KCNC4: variants seen among roughly 807,000 people sequenced by gnomAD.
KCNC4 encodes voltage-gated potassium channel KCNC4.
Under a neutral mutation model 42.8 loss-of-function variants are expected in KCNC4, and 23 were observed. The observed-to-expected ratio is 0.54, with a 90% CI of 0.39 to 0.76. The LOEUF (loss-of-function observed/expected upper bound fraction) is 0.76, where lower values mean the gene tolerates loss of function less well. KCNC4 is among the 30% of genes least tolerant of loss of function. The pLI, the probability that KCNC4 is intolerant of heterozygous loss-of-function variation, is 0.00. For missense variants in KCNC4, 751 were observed against 898.2 expected (o/e 0.84, Z 2.10); for synonymous variants, 422 against 393.5 (o/e 1.07, Z -0.86).
At chr1:110,219,390 T>C (rs1657973332) in intron 1 of KCNC4, among the ~76,000 whole-genome samples, 1 of 152,170 alleles carries the variant, frequency 6.6e-6, no homozygotes, top group Non-Finnish European at 1.5e-5. Flanking sequence ...GTCCCCATTT[T>C]ATATAGAGGA....
At position 110,223,996 on chromosome 1, in the gene KCNC4, G is replaced by A. The variant is rs762704495; in HGVS notation, c.1615+96G>A. 12 of 973,070 alleles carry A rather than the reference G, an allele frequency of 1.2e-5. No individual in the cohort carries two copies. Among genetic ancestry groups the A allele is most frequent in the South Asian group, 1.7e-5 (1 of 59,450 alleles). 60.3% of individuals were successfully genotyped at this position (973,070 alleles called of 1,614,324 possible). ...GACCTTGGGATTTGGCATGTGTTTT[G>A]TGTGGGGCTTCCCTAAGCATAAAGA... On this transcript the variant is annotated intron_variant, in intron 2 of 3. Coordinates refer to ENST00000438661, the MANE Select transcript of KCNC4 (RefSeq NM_001039574.3). This position sits in a 1 kb window ranked among gnomAD's most constrained non-coding sequence, Gnocchi z 7.5.
At chr1:110,257,676 G>A (rs889271893) in intron 1 of KCNC4, among the ~76,000 whole-genome samples, 43 of 142,712 alleles carry the variant, frequency 3.0e-4, no homozygotes, top group African/African-American at 1.1e-3. Context: ...AGCCGAGATC[G>A]CGCTACTGCA....
At position 110,211,923 on chromosome 1, in the gene KCNC4, C is replaced by T. The variant is rs1187800633; in HGVS notation, c.424C>T (p.Pro142Ser). The change falls in exon 1 of 4, where the codon CCC (proline) becomes TCC (serine). Residue 142 changes from proline to serine, a missense_variant. Physicochemically the swap from Pro to Ser is moderately conservative, Grantham distance 74. This residue lies in a region of KCNC4 where 183 missense variants were observed against 255.8 expected (regional missense o/e 0.72). Coordinates refer to ENST00000438661, the MANE Select transcript of KCNC4 (RefSeq NM_001039574.3). The surrounding 1 kb of genome is among the most constrained non-coding windows in gnomAD (Gnocchi z 6.5). ...GGGCATCGACGAGACCGACGTGGAA[C>T]CCTGCTGCTGGATGACCTACCGGCA... ...FWGIDETDVE[P>S]CCWMTYRQHR... The T allele has an allele frequency of 6.2e-7, 1 of 1,611,592 alleles. No homozygotes were observed. The highest frequency in any genetic ancestry group is 2.2e-5 in the East Asian group (1 of 44,848).
chr1:110,274,188 T>A (rs1227710780), intron 1 of KCNC4, among the ~76,000 whole-genome samples: 2 of 152,120 alleles, frequency 1.3e-5, no homozygotes, highest in African/African-American at 2.4e-5. Flanking sequence ...CATTTCTATA[T>A]GCCAATAAAA....
In KCNC4 at chr1:110,211,754, C is replaced by T. The variant is rs1657470839; in HGVS notation, c.255C>T (p.Gly85=). Residue 85 remains glycine (G), a synonymous_variant, in exon 1 of 4, where the codon GGC becomes GGT. Coordinates refer to ENST00000438661, the MANE Select transcript of KCNC4 (RefSeq NM_001039574.3). This position sits in a 1 kb window ranked among gnomAD's most constrained non-coding sequence, Gnocchi z 6.5. ...ATGGCGGCGGTGTGGGTAGCAGCGG[C>T]AGCAGCGGCGGCGGGGGCTGCGAGT... ...ETDGGGVGSS[G]SSGGGGCEFF... is the part of the protein sequence containing the mutation. 1.9e-6 allele frequency: 3 copies of T among 1,609,060 alleles called. No homozygotes were observed. Among genetic ancestry groups the T allele is most frequent in the Non-Finnish European group, 2.5e-6 (3 of 1,178,774 alleles).
intron 3 of KCNC4, among the ~76,000 whole-genome samples, chr1:110,230,557 C>T (rs1277442883): frequency 1.3e-5 from 2 of 152,230 alleles, no homozygotes; most frequent in Non-Finnish European, 2.9e-5. Context: ...GTTTCCACGG[C>T]ACCCACCGCC....
At chr1:110,244,307 T>C (rs908909869) in exon 4 of KCNC4, 31 of 152,180 alleles carry the variant, frequency 2.0e-4, no homozygotes, top group African/African-American at 7.2e-4. Flanking sequence ...GAGGTTGCAG[T>C]GCACTATGAT....
At chr1:110,231,216 A>G (rs947736806) in intron 3 of KCNC4, among the ~76,000 whole-genome samples, 1 of 152,188 alleles carries the variant, frequency 6.6e-6, no homozygotes, top group Non-Finnish European at 1.5e-5. Flanking sequence ...CAGGAGCCAG[A>G]GGGGAGGCCA....
At chr1:110,257,748 G>T (rs1184832064) in intron 1 of KCNC4, among the ~76,000 whole-genome samples, 1 of 115,918 alleles carries the variant, frequency 8.6e-6, no homozygotes, top group East Asian at 2.2e-4. Context: ...AAAAAGTCCA[G>T]AGGCAGGTGT....
chr1:110,273,104 A>C (rs932147284), intron 1 of KCNC4, among the ~76,000 whole-genome samples: 1 of 152,216 alleles, frequency 6.6e-6, no homozygotes, highest in African/African-American at 2.4e-5. Context: ...CTGTAACTGC[A>C]TATAATGTTT....
intron 1 of KCNC4, among the ~76,000 whole-genome samples, chr1:110,269,281 C>A (rs1447255475): frequency 6.6e-6 from 1 of 152,164 alleles, no homozygotes; most frequent in East Asian, 1.9e-4. Context: ...AGATACAGAA[C>A]AATTCCATCA....
chr1:110,251,993 G>A (rs919034751), downstream of KCNC4, among the ~76,000 whole-genome samples: 10 of 152,182 alleles, frequency 6.6e-5, no homozygotes, highest in East Asian at 1.9e-4. Context: ...GATGGTGAGC[G>A]CTCCAGCTGC....
At position 110,211,583 on chromosome 1, in the gene KCNC4, G is replaced by C; in HGVS notation, c.84G>C (p.Glu28Asp). The change falls in exon 1 of 4, where the codon GAG becomes GAC. Residue 28 changes from glutamate (E) to aspartate (D), a missense_variant. By Grantham distance (45) the Glu-to-Asp change is conservative (BLOSUM62 2). Coordinates refer to ENST00000438661, the MANE Select transcript of KCNC4 (RefSeq NM_001039574.3). This position sits in a 1 kb window ranked among gnomAD's most constrained non-coding sequence, Gnocchi z 6.5. ...CGTCCAAAACATGTCTGAAGGAGGA[G>C]ATGGCCAAGGGCGAGGCGTCGGAGA... ...KPPSKTCLKEEMAKGEASEKI... is the reference protein window; with the variant it reads ...KPPSKTCLKEDMAKGEASEKI... 6.2e-7 allele frequency: 1 copy of C among 1,614,134 alleles called. No individual in the cohort carries two copies. Among genetic ancestry groups the C allele is most frequent in the Non-Finnish European group, 8.5e-7 (1 of 1,179,990 alleles).
intron 3 of KCNC4, among the ~76,000 whole-genome samples, chr1:110,229,737 T>G (rs1231806901): frequency 6.6e-6 from 1 of 152,100 alleles, no homozygotes; most frequent in Non-Finnish European, 1.5e-5. Context: ...TGAGGGGAAG[T>G]GTGGGGACAG....
At chr1:110,280,684 TAAC>T (rs1215220298) in intron 1 of KCNC4, among the ~76,000 whole-genome samples, 2 of 152,186 alleles carry the variant, frequency 1.3e-5, no homozygotes, top group Admixed American at 6.5e-5. Context: ...GCAATTCAAA[TAAC>T]AACAAATTTT....
chr1:110,248,906 A>T (rs529603001), exon 4 of KCNC4: 2 of 152,348 alleles, frequency 1.3e-5, no homozygotes, highest in East Asian at 3.9e-4. Flanking sequence ...ACATGTCTGG[A>T]GAGTGGCAGA....
chr1:110,260,887 G>A (rs868071663), intron 1 of KCNC4, among the ~76,000 whole-genome samples: 10 of 152,278 alleles, frequency 6.6e-5, no homozygotes, highest in Middle Eastern at 3.4e-3. Context: ...CCGAGATCGC[G>A]CCACTGCACT....
chr1:110,226,383 G>C (rs920297272), intron 3 of KCNC4: 1 of 603,916 alleles, frequency 1.7e-6, no homozygotes, highest in Non-Finnish European at 3.0e-6. Context: ...AGGGCACACG[G>C]CTCCCATCCA....
chr1:110,237,942 A>C (rs1658945528), downstream of KCNC4: 2 of 152,252 alleles, frequency 1.3e-5, no homozygotes, highest in Non-Finnish European at 2.9e-5. Context: ...CTGTGTGTGC[A>C]TACACTGGTA....
Sources: gnomAD v4.1 joint callset for allele counts (sites outside exome capture counted in the v4.1 genomes callset) on GRCh38, gnomAD v4.1.1 for gene constraint, gnomAD v4.1.1 regional missense constraint, Gnocchi (gnomAD v3.1) non-coding constraint, MANE v1.5 for transcripts, NCBI Gene and HGNC (gene_info 2026-07-23, HGNC 2026-07-21) for gene names.